Variants in AP3S1 observed in about 807,000 individuals in gnomAD.
AP3S1 encodes adaptor related protein complex 3 subunit sigma 1.
Under a neutral mutation model 21.3 loss-of-function variants are expected in AP3S1, and 12 were observed. The ratio of observed to expected loss-of-function variants is 0.56; its 90% CI spans 0.36 to 0.91. The LOEUF is 0.91. AP3S1 is among the 40% of genes least tolerant of loss of function. The probability of loss-of-function intolerance (pLI) is 0.01; values close to 1 mark genes in which losing one functional copy is unlikely to be tolerated. For synonymous variants in AP3S1, 48 were observed against 78.4 expected, an observed-to-expected ratio of 0.61 and a Z score of 2.05; for missense variants, 116 against 225.0, an observed-to-expected ratio of 0.52 and a Z score of 3.10.
At chr5:115,891,945 C>A (rs533264860) in intron 3 of AP3S1, among the ~76,000 whole-genome samples, 6 of 152,114 alleles carry the variant, frequency 3.9e-5, no homozygotes, top group Non-Finnish European at 8.8e-5. Context: ...GATTTGACTC[C>A]CCCACTGGAT....
At position 115,841,980 on chromosome 5, in the gene AP3S1, C is replaced by T. The variant is rs539900902; in HGVS notation, c.-58C>T. 1.6e-5 allele frequency: 24 copies of T among 1,520,462 alleles called. No homozygotes were observed. In the South Asian group the frequency reaches 2.2e-4, roughly 14 times the overall value. The allele number at this position is 1,520,462 out of a possible 1,614,324, so 94.2% of individuals were successfully genotyped here. On this transcript the variant is annotated 5_prime_UTR_variant, in exon 1 of 6. Transcript: ENST00000316788. ...TCGCAGGCGAGATTACGAGGCGAGG[C>T]TCGCGCGCCCGCCCCCGCCCTGGCC...
At chr5:115,848,488 A>C (rs1157398924) in intron 1 of AP3S1, among the ~76,000 whole-genome samples, 2 of 152,242 alleles carry the variant, frequency 1.3e-5, no homozygotes, top group African/African-American at 4.8e-5. Context: ...AATAATTTGC[A>C]TGTCCTAAGA....
chr5:115,855,525 A>C (rs1056585054), intron 1 of AP3S1, among the ~76,000 whole-genome samples: 1 of 151,966 alleles, frequency 6.6e-6, no homozygotes, highest in African/African-American at 2.4e-5. Context: ...TTTTTTGTAG[A>C]GATGGGGTTT....
intron 3 of AP3S1, among the ~76,000 whole-genome samples, chr5:115,879,659 C>G (rs1210744677): frequency 1.3e-5 from 2 of 152,110 alleles, no homozygotes; most frequent in East Asian, 1.9e-4. Flanking sequence ...CTAAAATTCT[C>G]TCTTTTTTCT....
At chr5:115,903,605 C>T (rs991734433) in intron 5 of AP3S1, 2 of 152,256 alleles carry the variant, frequency 1.3e-5, no homozygotes, top group Non-Finnish European at 2.9e-5. Context: ...TTATTGCATT[C>T]TATAAGATCG....
intron 4 of AP3S1, among the ~76,000 whole-genome samples, chr5:115,898,967 A>G (rs1453627028): frequency 6.6e-6 from 1 of 152,218 alleles, no homozygotes; most frequent in Non-Finnish European, 1.5e-5. Flanking sequence ...GGAAGAAAGC[A>G]TCAAAATCCA....
In AP3S1 at chr5:115,913,407, A is replaced by G; in HGVS notation, c.499A>G (p.Asn167Asp). 6.2e-7 allele frequency: 1 copy of G among 1,613,980 alleles called. No homozygotes were observed. The highest frequency in any genetic ancestry group is 1.3e-5 in the African/African-American group (1 of 75,078). ...AGCCCGTGCTGTATCAGCTGTAAAG[A>G]ATATGAATCTTCCTGAGATCCCAAG... ...APARAVSAVK[N>D]MNLPEIPRNI... The change falls in exon 6 of 6, where the codon AAT (asparagine) becomes GAT (aspartate). Residue 167 changes from asparagine (N) to aspartate (D), a missense_variant. Physicochemically the swap from Asn to Asp is conservative, Grantham distance 23. This residue lies in a region of AP3S1 where 65 missense variants were observed against 148.2 expected (regional missense o/e 0.44). Transcript: ENST00000316788.
intron 1 of AP3S1, among the ~76,000 whole-genome samples, chr5:115,854,485 T>C (rs1168329096): frequency 2.0e-5 from 3 of 152,172 alleles, no homozygotes; most frequent in Non-Finnish European, 4.4e-5. Flanking sequence ...TTGAGGATAC[T>C]GCTATCCTGA....
intron 1 of AP3S1, among the ~76,000 whole-genome samples, chr5:115,850,340 A>C (rs937926002): frequency 6.6e-6 from 1 of 152,258 alleles, no homozygotes; most frequent in Non-Finnish European, 1.5e-5. Flanking sequence ...AAGGGTTATA[A>C]AATAAATTTT....
intron 3 of AP3S1, among the ~76,000 whole-genome samples, chr5:115,874,687 T>C (rs1241432526): frequency 6.6e-6 from 1 of 152,154 alleles, no homozygotes; most frequent in African/African-American, 2.4e-5. Flanking sequence ...AAACTACCTT[T>C]TGAGGAATTA....
At chr5:115,896,331 A>T (rs1750752166) in intron 4 of AP3S1, among the ~76,000 whole-genome samples, 1 of 152,206 alleles carries the variant, frequency 6.6e-6, no homozygotes, top group Non-Finnish European at 1.5e-5. Context: ...TGATTTTATA[A>T]ATTAATTCAT....
At chr5:115,875,240 A>C (rs1748606190) in intron 3 of AP3S1, among the ~76,000 whole-genome samples, 1 of 152,134 alleles carries the variant, frequency 6.6e-6, no homozygotes, top group South Asian at 2.1e-4. Context: ...TTTATATGAC[A>C]CATTTATGTG....
rs549194484 is a variant in AP3S1, at chr5:115,860,595, A to G, written c.70-6075A>G. 3.3e-5 allele frequency among the ~76,000 whole-genome samples: 5 copies of G among 152,262 alleles called. No homozygotes were observed. The East Asian group carries it at 5.8e-4, about 18-fold the overall frequency. On this transcript the variant is annotated intron_variant, in intron 1 of 5. Transcript: ENST00000316788. ...ACATATGTAAAAGCACCAATTCATG[A>G]GGTTTTTGCCTAGTTTGTGACACAA...
At chr5:115,850,904 G>T (rs1051403938) in intron 1 of AP3S1, among the ~76,000 whole-genome samples, 1 of 152,088 alleles carries the variant, frequency 6.6e-6, no homozygotes, top group African/African-American at 2.4e-5. Flanking sequence ...TTAAATAAAG[G>T]GGACATGGAG....
At chr5:115,865,862 G>A (rs1359553110) in intron 1 of AP3S1, among the ~76,000 whole-genome samples, 3 of 152,142 alleles carry the variant, frequency 2.0e-5, no homozygotes, top group African/African-American at 7.2e-5. Flanking sequence ...GCAGTGGCGC[G>A]ATCTCAGCTC....
chr5:115,894,384 AC>A (rs906769904), intron 3 of AP3S1, among the ~76,000 whole-genome samples: 26 of 152,162 alleles, frequency 1.7e-4, no homozygotes. Context: ...AACATGAAGT[AC>A]CTGCTCAAAT....
At chr5:115,863,838 T>G (rs1007802788) in intron 1 of AP3S1, among the ~76,000 whole-genome samples, 4 of 152,158 alleles carry the variant, frequency 2.6e-5, no homozygotes, top group African/African-American at 4.8e-5. Context: ...GTTTGATGCT[T>G]ATAGAAAGAG....
intron 5 of AP3S1, among the ~76,000 whole-genome samples, chr5:115,909,760 TGTATTTACA>T (rs1397036232): frequency 6.6e-6 from 1 of 152,194 alleles, no homozygotes; most frequent in Non-Finnish European, 1.5e-5. Flanking sequence ...CGTTTAAAAA[TGTATTTACA>T]GTAATCCCCC....
intron 1 of AP3S1, among the ~76,000 whole-genome samples, chr5:115,864,161 C>T (rs141587154): frequency 1.3e-3 from 192 of 152,284 alleles, no homozygotes; most frequent in African/African-American, 4.5e-3. Flanking sequence ...CTGCTAATCC[C>T]TGAGCCTTGA....
Sources: gnomAD v4.1 joint callset for allele counts (sites outside exome capture counted in the v4.1 genomes callset) on GRCh38, gnomAD v4.1.1 for gene constraint, gnomAD v4.1.1 regional missense constraint, MANE v1.5 for transcripts, NCBI Gene and HGNC (gene_info 2026-07-23, HGNC 2026-07-21) for gene names.